SEZ6L: variants seen among roughly 807,000 people sequenced by gnomAD.
SEZ6L encodes seizure 6-like protein.
SEZ6L carries 37 observed loss-of-function variants against 106.2 expected under a neutral mutation model. The ratio of observed to expected loss-of-function variants is 0.35; its 90% CI spans 0.27 to 0.46. The LOEUF (loss-of-function observed/expected upper bound fraction) is 0.46, where lower values mean the gene tolerates loss of function less well. SEZ6L is among the 20% of genes least tolerant of loss of function. The pLI is 1.00. For synonymous variants in SEZ6L, 541 were observed against 570.4 expected, an observed-to-expected ratio of 0.95 and a Z score of 0.73; for missense variants, 1,172 against 1,332.8, an observed-to-expected ratio of 0.88 and a Z score of 1.88.
intron 9 of SEZ6L, among the ~76,000 whole-genome samples, chr22:26,316,643 C>T (rs1189091172): frequency 6.6e-6 from 1 of 151,946 alleles, no homozygotes; most frequent in Non-Finnish European, 1.5e-5. Flanking sequence ...ACCAGCCCAG[C>T]CAACATGGTG....
intron 9 of SEZ6L, among the ~76,000 whole-genome samples, chr22:26,327,390 TACAC>T (rs1201913928): frequency 1.5e-4 from 15 of 98,076 alleles, no homozygotes; most frequent in Non-Finnish European, 2.6e-4. Context: ...ACACACACCA[TACAC>T]ACACCACATA....
rs1207033331 is a variant in SEZ6L, at chr22:26,348,703, A to AAAGGAAGGAAGG, written c.2407+791_2407+792insAGGAAGGAAGGA. 1.5e-3 allele frequency among the ~76,000 whole-genome samples: 64 copies of AAAGGAAGGAAGG among 41,468 alleles called. 1 individual carries two copies. Among genetic ancestry groups the AAAGGAAGGAAGG allele is most frequent in the South Asian group, 2.6e-3 (2 of 762 alleles). The allele number at this position is 41,468 out of a possible 152,430, so 27.2% of individuals were successfully genotyped here. On this transcript the variant is annotated intron_variant, in intron 11 of 16. Coordinates refer to ENST00000248933, the MANE Select transcript of SEZ6L (RefSeq NM_021115.5). ...GAAAGAAAGAAAGAAAGAAAGAAAG[A>AAAGGAAGGAAGG]AGGCAAGGGAGGGAAGGGAGGGAAG... is the stretch of plus-strand genomic sequence containing the variant.
At chr22:26,349,863 T>A (rs887419698) in intron 11 of SEZ6L, among the ~76,000 whole-genome samples, 1 of 152,236 alleles carries the variant, frequency 6.6e-6, no homozygotes, top group Non-Finnish European at 1.5e-5. Flanking sequence ...TCATACATGT[T>A]GTCCAGTTTA....
chr22:26,322,010 T>C (rs1162095025), intron 9 of SEZ6L, among the ~76,000 whole-genome samples: 3 of 152,210 alleles, frequency 2.0e-5, no homozygotes, highest in Non-Finnish European at 4.4e-5. Context: ...CTGCATCGTT[T>C]AGGTCCGTGA....
intron 1 of SEZ6L, 84 bp from the exon 2 acceptor site, chr22:26,292,322 T>A: frequency 8.8e-7 from 1 of 1,139,846 alleles, no homozygotes; most frequent in Non-Finnish European, 1.3e-6. Flanking sequence ...GCACCGCCCT[T>A]AGGAGGGCCA....
At chr22:26,265,922 G>C (rs1161816828) in intron 1 of SEZ6L, among the ~76,000 whole-genome samples, 1 of 152,126 alleles carries the variant, frequency 6.6e-6, no homozygotes, top group Non-Finnish European at 1.5e-5. Context: ...ACTCACTGTG[G>C]CTCCCTGGAG....
At chr22:26,328,594 C>T (rs1427192381) in intron 9 of SEZ6L, among the ~76,000 whole-genome samples, 2 of 152,128 alleles carry the variant, frequency 1.3e-5, no homozygotes, top group Admixed American at 6.6e-5. Flanking sequence ...AAAACGTTAT[C>T]GGTGACCTTG....
intron 12 of SEZ6L, among the ~76,000 whole-genome samples, chr22:26,352,264 G>A (rs2083306757): frequency 6.6e-6 from 1 of 152,052 alleles, no homozygotes; most frequent in Admixed American, 6.6e-5. Flanking sequence ...TTACACGGAA[G>A]GAGCAGAGCC....
intron 1 of SEZ6L, among the ~76,000 whole-genome samples, chr22:26,274,143 CT>C (rs1477883264): frequency 9.2e-5 from 14 of 152,196 alleles, no homozygotes; most frequent in Non-Finnish European, 2.1e-4. Context: ...ATCTATATTG[CT>C]TTGAGCAAGT....
At chr22:26,350,192 GTGTA>G (rs1250388923) in intron 11 of SEZ6L, among the ~76,000 whole-genome samples, 2 of 141,026 alleles carry the variant, frequency 1.4e-5, no homozygotes, top group South Asian at 2.3e-4. Context: ...GTGTGTGTGT[GTGTA>G]TATATATATA....
At chr22:26,260,351 T>C (rs1031978460) in intron 1 of SEZ6L, among the ~76,000 whole-genome samples, 6 of 152,192 alleles carry the variant, frequency 3.9e-5, no homozygotes, top group Admixed American at 6.5e-5. Flanking sequence ...TTCATCCTCA[T>C]AGCTTAGCTC....
At chr22:26,233,593 C>A (rs2145751531) in intron 1 of SEZ6L, among the ~76,000 whole-genome samples, 2 of 152,316 alleles carry the variant, frequency 1.3e-5, no homozygotes, top group South Asian at 4.1e-4. Context: ...TTGCTCCAGT[C>A]CCTGATTCTC....
At chr22:26,328,974 G>A (rs184260518) in intron 9 of SEZ6L, among the ~76,000 whole-genome samples, 53 of 152,168 alleles carry the variant, frequency 3.5e-4, no homozygotes, top group Non-Finnish European at 6.0e-4. Context: ...GGTTTCTGAT[G>A]GCCTGATTTG....
chr22:26,315,840 T>C (rs879691928), intron 9 of SEZ6L, among the ~76,000 whole-genome samples: 7 of 152,100 alleles, frequency 4.6e-5, no homozygotes. Flanking sequence ...GGAGAATCAC[T>C]TGGGGCCAGG....
At chr22:26,347,046 T>C (rs1326606828) in intron 10 of SEZ6L, among the ~76,000 whole-genome samples, 1 of 149,108 alleles carries the variant, frequency 6.7e-6, no homozygotes, top group Non-Finnish European at 1.5e-5. Flanking sequence ...AAAAAAAAAA[T>C]TAGCCAGGCC....
chr22:26,328,697 G>A (rs909892628), intron 9 of SEZ6L, among the ~76,000 whole-genome samples: 9 of 152,218 alleles, frequency 5.9e-5, no homozygotes, highest in Non-Finnish European at 1.3e-4. Flanking sequence ...GGCCCAGGGG[G>A]ACGGCAGGCC....
rs1395778245 is a variant in SEZ6L, at chr22:26,169,775, G to A, written c.94+12G>A. ...AGCGCTGGAGCGAGGTAAGCGCCCCGAGGGGCGGGGCGGGCAGGGGGCAAA... is the reference window on the plus strand; with the variant it reads ...AGCGCTGGAGCGAGGTAAGCGCCCCAAGGGGCGGGGCGGGCAGGGGGCAAA... On this transcript the variant is annotated intron_variant, in intron 1 of 16. Transcript: ENST00000248933. The A allele has an allele frequency of 9.7e-6, 12 of 1,232,948 alleles. No homozygotes were observed. Among genetic ancestry groups the A allele is most frequent in the East Asian group, 3.2e-5 (1 of 31,618 alleles). The allele number at this position is 1,232,948 out of a possible 1,614,324, so 76.4% of individuals were successfully genotyped here.
intron 1 of SEZ6L, among the ~76,000 whole-genome samples, chr22:26,255,989 G>A (rs1456520413): frequency 6.6e-6 from 1 of 152,164 alleles, no homozygotes; most frequent in Non-Finnish European, 1.5e-5. Flanking sequence ...AGGGAGTGAT[G>A]GTTAAGCTGA....
chr22:26,269,354 C>A (rs1012483452), intron 1 of SEZ6L, among the ~76,000 whole-genome samples: 3 of 152,140 alleles, frequency 2.0e-5, no homozygotes, highest in African/African-American at 7.2e-5. Flanking sequence ...AGAAGGCTTC[C>A]TCAGAGCTTG....
Sources: allele counts gnomAD v4.1 joint callset (sites outside exome capture counted in the v4.1 genomes callset), GRCh38; gene constraint gnomAD v4.1.1; transcripts MANE v1.5; gene names NCBI Gene and HGNC (gene_info 2026-07-23, HGNC 2026-07-21).